Variants in ACAD11 observed in about 807,000 individuals in gnomAD.
ACAD11 encodes the protein acyl-Coenzyme A dehydrogenase family, member 11.
In ACAD11, 83 loss-of-function variants were observed where a neutral mutation model predicts 102.2. The ratio of observed to expected loss-of-function variants is 0.81; its 90% CI spans 0.68 to 0.97. The LOEUF is 0.97. Ranked by LOEUF, ACAD11 falls within the 50% of genes least tolerant of loss-of-function variation. ACAD11 has a pLI of 0.00. For synonymous variants in ACAD11, 324 were observed against 319.8 expected (o/e 1.01, Z -0.14); for missense variants, 901 against 951.7 (o/e 0.95, Z 0.70).
intron 8 of ACAD11, 29 bp from the exon 9 acceptor site, chr3:132,626,846 G>C (rs779121148): frequency 1.9e-6 from 3 of 1,591,646 alleles, no homozygotes; most frequent in Non-Finnish European, 2.6e-6. Context: ...GGAAAAAAAG[G>C]TTACAAAGAT....
chr3:132,594,541 C>A (rs1938216145), intron 13 of ACAD11, among the ~76,000 whole-genome samples: 1 of 152,050 alleles, frequency 6.6e-6, no homozygotes, highest in African/African-American at 2.4e-5. Flanking sequence ...AGGTACCAAG[C>A]CAAATGCTGA....
At chr3:132,641,692 GGAAGAGGAAGAA>G (rs1315842688) in intron 4 of ACAD11, among the ~76,000 whole-genome samples, 1,563 of 125,820 alleles carry the variant, frequency 0.012, 51 homozygotes, top group African/African-American at 0.043. Flanking sequence ...AAGAGGAAGA[GGAAGAGGAAGAA>G]GAAGAAGAAG....
chr3:132,635,758 G>A (rs1940250568), intron 5 of ACAD11, among the ~76,000 whole-genome samples: 1 of 152,104 alleles, frequency 6.6e-6, no homozygotes, highest in Non-Finnish European at 1.5e-5. Context: ...GGCATATATA[G>A]CAAGGCAATC....
intron 9 of ACAD11, 28 bp from the exon 10 acceptor site, chr3:132,619,573 ACTAG>A: frequency 7.5e-7 from 1 of 1,333,072 alleles, no homozygotes; most frequent in Non-Finnish European, 1.0e-6. Context: ...AAAAAATTTC[ACTAG>A]CTAAAGTTAA....
intron 13 of ACAD11, among the ~76,000 whole-genome samples, chr3:132,593,504 T>A (rs1386831040): frequency 6.6e-6 from 1 of 152,192 alleles, no homozygotes; most frequent in Non-Finnish European, 1.5e-5. Flanking sequence ...TTACAAGTCA[T>A]TTAGAAAGCA....
chr3:132,573,095 A>G (rs1937428869), intron 17 of ACAD11, among the ~76,000 whole-genome samples: 1 of 151,724 alleles, frequency 6.6e-6, no homozygotes, highest in South Asian at 2.1e-4. Context: ...CCACCCTCCA[A>G]CTGGCCCCGG....
intron 7 of ACAD11, 63 bp from the exon 8 acceptor site, chr3:132,628,509 C>A: frequency 8.3e-7 from 1 of 1,198,052 alleles, no homozygotes; most frequent in Non-Finnish European, 1.2e-6. Flanking sequence ...TCCAATCAAT[C>A]TTTCCAGTTT....
intron 13 of ACAD11, 30 bp from the exon 14 acceptor site, chr3:132,579,588 T>C (rs779667477): frequency 6.3e-7 from 1 of 1,592,706 alleles, no homozygotes; most frequent in Non-Finnish European, 8.6e-7. Context: ...AAGCAGATTA[T>C]AAAAGGAAAT....
In ACAD11 at chr3:132,577,160, C is replaced by T. The variant is rs1025051384; in HGVS notation, c.1775-145G>A. On this transcript the variant is annotated intron_variant, in intron 15 of 19. Coordinates refer to ENST00000264990, the MANE Select transcript of ACAD11 (RefSeq NM_032169.5). Reference sequence around the variant, plus strand: ...TGAACATTCTGAGGTAAGCCTCAGCCCTGAACCCCAGGACCCAGCAGCCCA... The same window carrying T: ...TGAACATTCTGAGGTAAGCCTCAGCTCTGAACCCCAGGACCCAGCAGCCCA... 1.1e-5 allele frequency: 7 copies of T among 611,376 alleles called. No homozygotes were observed. In the Admixed American group the frequency reaches 1.5e-4, roughly 13 times the overall value. 37.9% of individuals were successfully genotyped at this position (611,376 alleles called of 1,614,324 possible). A position where few individuals can be genotyped will look rare whatever the true frequency, so the allele number is the denominator to read the frequency against.
chr3:132,575,669 C>A, intron 17 of ACAD11, 103 bp downstream of exon 17: 2 of 1,381,822 alleles, frequency 1.4e-6, no homozygotes, highest in Non-Finnish European at 2.0e-6. Flanking sequence ...AAAGAATCAC[C>A]CGGTTCATGT....
At chr3:132,617,072 G>A (rs1180968346) in intron 11 of ACAD11, among the ~76,000 whole-genome samples, 2 of 152,128 alleles carry the variant, frequency 1.3e-5, no homozygotes, top group Non-Finnish European at 2.9e-5. Flanking sequence ...TTTAGCACCA[G>A]GGCCATGCAT....
chr3:132,559,085 C>T lies in ACAD11; in HGVS notation c.2229G>A (p.Met743Ile), dbSNP rs778706506. ...AACGCAAAACTCGGGTTATAGCATACCTGAAAAAGCAAAAGAATCAGGGAA... is the reference window on the plus strand; with the variant it reads ...AACGCAAAACTCGGGTTATAGCATATCTGAAAAAGCAAAAGAATCAGGGAA... ...GVSQDYPLAN[M>I]YAITRVLRLA... is the part of the protein sequence containing the mutation. Residue 743 changes from methionine to isoleucine, a missense_variant and splice_region_variant, in exon 20 of 20, where the codon ATG (methionine) becomes ATA (isoleucine). Met to Ile is a conservative substitution (Grantham distance 10, BLOSUM62 1). Transcript: ENST00000264990. 5.6e-6 allele frequency: 9 copies of T among 1,607,396 alleles called. No homozygotes were observed. The highest frequency in any genetic ancestry group is 1.7e-5 in the Admixed American group (1 of 59,814).
intron 13 of ACAD11, among the ~76,000 whole-genome samples, chr3:132,592,455 C>A (rs1938118517): frequency 6.6e-6 from 1 of 152,074 alleles, no homozygotes; most frequent in South Asian, 2.1e-4. Flanking sequence ...CAAGGCTGTT[C>A]AAGTGCCAGG....
intron 11 of ACAD11, among the ~76,000 whole-genome samples, chr3:132,615,860 G>A (rs555038793): frequency 6.6e-6 from 1 of 152,166 alleles, no homozygotes; most frequent in Non-Finnish European, 1.5e-5. Flanking sequence ...AATAGCTTTA[G>A]AATTAAAGTT....
chr3:132,633,549 T>A (rs1161220962), intron 5 of ACAD11, among the ~76,000 whole-genome samples: 9 of 152,142 alleles, frequency 5.9e-5, no homozygotes. Flanking sequence ...TTTTGTTGTG[T>A]CTCTGCCAGG....
chr3:132,611,796 A>T (rs1377699097), intron 11 of ACAD11, among the ~76,000 whole-genome samples: 16 of 152,094 alleles, frequency 1.1e-4, no homozygotes, highest in South Asian at 2.1e-4. Flanking sequence ...ATGGCCATAC[A>T]GCCCAAGGTA....
chr3:132,585,776 C>T (rs1386633606), intron 13 of ACAD11, among the ~76,000 whole-genome samples: 2 of 152,210 alleles, frequency 1.3e-5, no homozygotes, highest in Non-Finnish European at 2.9e-5. Flanking sequence ...AAATGCAAAT[C>T]GAAACCACAA....
intron 9 of ACAD11, among the ~76,000 whole-genome samples, chr3:132,619,815 C>A (rs1472315188): frequency 6.6e-6 from 1 of 152,108 alleles, no homozygotes; most frequent in African/African-American, 2.4e-5. Context: ...GTCATAGAAA[C>A]TGCTCAACTA....
chr3:132,628,283 T>C, intron 8 of ACAD11, 57 bp downstream of exon 8: 1 of 1,262,166 alleles, frequency 7.9e-7, no homozygotes, highest in Non-Finnish European at 1.1e-6. Flanking sequence ...GTGTATAACC[T>C]TCACATACCC....
Sources: gnomAD v4.1 joint callset for allele counts (sites outside exome capture counted in the v4.1 genomes callset) on GRCh38, gnomAD v4.1.1 for gene constraint, MANE v1.5 for transcripts, NCBI Gene and HGNC (gene_info 2026-07-23, HGNC 2026-07-21) for gene names.